Variants in RGP1 observed in about 807,000 individuals in gnomAD.
RGP1 encodes the protein RAB6A-GEF complex partner protein 2.
A neutral mutation model predicts 44.5 loss-of-function variants in RGP1; 28 were observed. The observed-to-expected ratio is 0.63, with a 90% CI of 0.47 to 0.86. The LOEUF (loss-of-function observed/expected upper bound fraction) is 0.86. RGP1 is among the 40% of genes least tolerant of loss of function. RGP1 has a pLI of 0.00. For missense variants in RGP1, 417 were observed against 490.7 expected (o/e 0.85, Z 1.42); for synonymous variants, 212 against 196.7 (o/e 1.08, Z -0.65).
chr9:35,749,588 T>A lies in RGP1; in HGVS notation c.-19-149T>A. ...AGTACTGAGTCTTCAGTCGCCTCCC[T>A]CCCACCCGCCTACCCCTCCTATATC... On this transcript the variant is annotated intron_variant, in intron 1 of 8. Transcript: ENST00000378078. The surrounding 1 kb of genome is among the most constrained non-coding windows in gnomAD (Gnocchi z 4.4). 3.0e-6 allele frequency: 2 copies of A among 664,870 alleles called. No homozygotes were observed. Among genetic ancestry groups the A allele is most frequent in the Non-Finnish European group, 5.6e-6 (2 of 359,596 alleles). The allele number at this position is 664,870 out of a possible 1,614,324, so 41.2% of individuals were successfully genotyped here. A position where few individuals can be genotyped will look rare whatever the true frequency, so the allele number is the denominator to read the frequency against.
Position 35,751,359 on chromosome 9 carries a change from T to C in RGP1, c.581T>C (p.Leu194Pro). 1 of 1,614,012 alleles carries C rather than the reference T, an allele frequency of 6.2e-7. No individual in the cohort carries two copies. The highest frequency in any genetic ancestry group is 1.1e-5 in the South Asian group (1 of 91,090). ...GAAGGTGGGAAGAAAGATTCATGGC[T>C]AGCTGAGCTGGCTGGGGAACGCCTA... ...EDEGGKKDSW[L>P]AELAGERLMA... The change falls in exon 6 of 9, where the codon CTA becomes CCA. Residue 194 changes from leucine to proline, a missense_variant. By Grantham distance (98) the Leu-to-Pro change is moderately conservative (BLOSUM62 -3). Transcript: ENST00000378078.
chr9:35,772,510 G>C, the RGP1 span: 1 of 152,100 alleles, frequency 6.6e-6, no homozygotes, highest in Non-Finnish European at 1.5e-5. Context: ...TTTTATACTA[G>C]AGGCCAGGCG....
chr9:35,786,873 A>G, the RGP1 span: 1 of 152,106 alleles, frequency 6.6e-6, no homozygotes, highest in Admixed American at 6.6e-5. Context: ...AGGTGGGCAG[A>G]TCACGAGGTC....
At chr9:35,768,063 A>G in the RGP1 span, among the ~76,000 whole-genome samples, 169 of 150,724 alleles carry the variant, frequency 1.1e-3, no homozygotes, top group African/African-American at 3.3e-3. Context: ...AGCCTCCCAA[A>G]TTGCTGGGGT....
chr9:35,790,250 A>G, the RGP1 span: 2 of 153,246 alleles, frequency 1.3e-5, no homozygotes, highest in Non-Finnish European at 2.9e-5. Flanking sequence ...TGAGGCTTCC[A>G]TCTCTACTGG....
At chr9:35,774,980 T>G in the RGP1 span, among the ~76,000 whole-genome samples, 2 of 152,068 alleles carry the variant, frequency 1.3e-5, no homozygotes, top group Non-Finnish European at 2.9e-5. Context: ...ATAATACCCT[T>G]TTCTCTCTGT....
chr9:35,782,749 T>A, the RGP1 span, among the ~76,000 whole-genome samples: 1 of 150,344 alleles, frequency 6.7e-6, no homozygotes, highest in African/African-American at 2.4e-5. Flanking sequence ...CCAGGCCAGA[T>A]AAAACAGACT....
In RGP1 at chr9:35,752,065, A is replaced by G; in HGVS notation, c.872A>G (p.Glu291Gly). 1 of 1,610,984 alleles carries G rather than the reference A, an allele frequency of 6.2e-7. No individual in the cohort carries two copies. Among genetic ancestry groups the G allele is most frequent in the Non-Finnish European group, 8.5e-7 (1 of 1,178,342 alleles). ...VSHVTHARHQ[E>G]SCLHTTRTSF... ...CATGTGACTCACGCCCGGCACCAGG[A>G]ATCCTGCCTACATACAACTAGAACC... Residue 291 changes from glutamate (E) to glycine (G), a missense_variant, in exon 8 of 9, where the codon GAA becomes GGA. Coordinates refer to ENST00000378078, the MANE Select transcript of RGP1 (RefSeq NM_001080496.3).
the RGP1 span, among the ~76,000 whole-genome samples, chr9:35,775,332 C>A: frequency 4.1e-3 from 623 of 152,256 alleles, 1 homozygote; most frequent in African/African-American, 8.2e-3. Context: ...GATTAGCAAC[C>A]GAACCTTCTA....
chr9:35,759,943 C>T (rs577584239), downstream of RGP1, among the ~76,000 whole-genome samples: 48 of 145,436 alleles, frequency 3.3e-4, no homozygotes, highest in Non-Finnish European at 6.2e-4. Flanking sequence ...ATTTTTTGTG[C>T]CTGTTATTTT....
the RGP1 span, among the ~76,000 whole-genome samples, chr9:35,773,511 T>G: frequency 6.7e-6 from 1 of 150,360 alleles, no homozygotes; most frequent in South Asian, 2.1e-4. Context: ...TCCTTTTTCT[T>G]TTTTTTTTTG....
chr9:35,751,141 G>A (rs759896163), intron 5 of RGP1, 125 bp from the exon 6 acceptor site: 25 of 1,455,618 alleles, frequency 1.7e-5, no homozygotes, highest in Non-Finnish European at 2.4e-5. Context: ...TCTGGAGATA[G>A]AGATGTAAAC....
At chr9:35,762,808 G>A (rs573136346), downstream of RGP1, among the ~76,000 whole-genome samples, 67 of 151,086 alleles carry the variant, frequency 4.4e-4, 1 homozygote, top group Admixed American at 2.6e-3. Context: ...CAAATTAAAC[G>A]TACTGGCTTC....
downstream of RGP1, among the ~76,000 whole-genome samples, chr9:35,761,285 C>T (rs987773813): frequency 3.3e-5 from 5 of 152,142 alleles, no homozygotes; most frequent in Non-Finnish European, 5.9e-5. Flanking sequence ...GTTTTTGCAT[C>T]CCTAGCTAAA....
In RGP1 at chr9:35,752,029, CCT is replaced by C; in HGVS notation, c.839_840del (p.Ser280CysfsTer18). 6.2e-7 allele frequency: 1 copy of C among 1,610,776 alleles called. No individual in the cohort carries two copies. Among genetic ancestry groups the C allele is most frequent in the Middle Eastern group, 1.7e-4 (1 of 6,054 alleles). ...CGGCGACGTGGGGCAGGGGGTGTCC[CCT>C]CTGTGTCACATGTGACTCACGCCCG... On this transcript the variant is annotated frameshift_variant, in exon 8 of 9. Coordinates refer to ENST00000378078, the MANE Select transcript of RGP1 (RefSeq NM_001080496.3). LOFTEE classifies it high-confidence loss of function.
chr9:35,749,871 G>C lies in RGP1; in HGVS notation c.116G>C (p.Ser39Thr). 6.2e-7 allele frequency: 1 copy of C among 1,600,160 alleles called. No individual in the cohort carries two copies. Among genetic ancestry groups the C allele is most frequent in the East Asian group, 2.2e-5 (1 of 44,786 alleles). Reference sequence around the variant, plus strand: ...CCGCCCACGGCCACTTCTGCATCCAGGTGGGGATGCTGGCACTGAAGGTGG... The same window carrying C: ...CCGCCCACGGCCACTTCTGCATCCACGTGGGGATGCTGGCACTGAAGGTGG... ...PLPPTATSAS[S>T]EALAWASAQI... The change falls in exon 2 of 9, where the codon AGT (serine) becomes ACT (threonine). Residue 39 changes from serine (S) to threonine (T), a missense_variant and splice_region_variant. Transcript: ENST00000378078. This position sits in a 1 kb window ranked among gnomAD's most constrained non-coding sequence, Gnocchi z 4.4.
intron 5 of RGP1, 122 bp from the exon 6 acceptor site, chr9:35,751,144 A>G: frequency 2.1e-6 from 3 of 1,454,400 alleles, no homozygotes; most frequent in Non-Finnish European, 2.8e-6. Context: ...GGAGATAGAG[A>G]TGTAAACCTC....
At chr9:35,773,499 T>C in the RGP1 span, among the ~76,000 whole-genome samples, 1 of 151,952 alleles carries the variant, frequency 6.6e-6, no homozygotes. Flanking sequence ...CTGTTCCAGG[T>C]TTCCTTTTTC....
the RGP1 span, among the ~76,000 whole-genome samples, chr9:35,773,137 C>T: frequency 1.3e-5 from 2 of 152,154 alleles, no homozygotes; most frequent in African/African-American, 2.4e-5. Context: ...ACCTGTTACC[C>T]CAGCACTTTG....
Sources: allele counts gnomAD v4.1 joint callset (sites outside exome capture counted in the v4.1 genomes callset), GRCh38; gene constraint gnomAD v4.1.1; non-coding constraint Gnocchi (gnomAD v3.1); transcripts MANE v1.5; gene names NCBI Gene and HGNC (gene_info 2026-07-23, HGNC 2026-07-21).